The following YAF2 variants were observed in gnomAD, a reference collection of about 807,000 sequenced individuals.
YAF2 encodes YY1 associated factor 2.
YAF2 carries 7 observed loss-of-function variants against 20.1 expected under a neutral mutation model. That is an observed-to-expected ratio of 0.35 (90% CI 0.20 to 0.65). The LOEUF is 0.65. Ranked by LOEUF, YAF2 falls within the 30% of genes least tolerant of loss-of-function variation. The pLI, the probability that YAF2 is intolerant of heterozygous loss-of-function variation, is 0.69. For missense variants in YAF2, 151 were observed against 219.2 expected, an observed-to-expected ratio of 0.69 and a Z score of 1.96; for synonymous variants, 74 against 76.0, an observed-to-expected ratio of 0.97 and a Z score of 0.14.
At chr12:42,202,106 C>CG (rs1210279702) in intron 2 of YAF2, among the ~76,000 whole-genome samples, 1 of 151,512 alleles carries the variant, frequency 6.6e-6, no homozygotes, top group East Asian at 1.9e-4. Flanking sequence ...ATCTAGTTTC[C>CG]CCCCCCATCT....
intron 2 of YAF2, among the ~76,000 whole-genome samples, chr12:42,173,706 T>G (rs889695684): frequency 1.3e-5 from 2 of 152,216 alleles, no homozygotes; most frequent in Non-Finnish European, 2.9e-5. Context: ...TTACTCTTGC[T>G]TCCATTAATT....
chr12:42,186,783 T>C (rs2066486715), intron 2 of YAF2, among the ~76,000 whole-genome samples: 1 of 152,228 alleles, frequency 6.6e-6, no homozygotes, highest in South Asian at 2.1e-4. Context: ...ATTTGGAATA[T>C]TCAAACTGTT....
intron 2 of YAF2, among the ~76,000 whole-genome samples, chr12:42,236,842 C>G (rs181665263): frequency 1.3e-5 from 2 of 152,132 alleles, no homozygotes; most frequent in Admixed American, 6.5e-5. Context: ...ATTAAGAATG[C>G]CACTGACTGA....
chr12:42,222,896 T>A (rs942554204), intron 2 of YAF2, among the ~76,000 whole-genome samples: 35 of 152,250 alleles, frequency 2.3e-4, no homozygotes, highest in African/African-American at 8.2e-4. Flanking sequence ...CCATTACTGT[T>A]AAGGAATAAA....
intron 2 of YAF2, chr12:42,199,398 G>C (rs2066840564): frequency 3.8e-6 from 1 of 266,032 alleles, no homozygotes; most frequent in Non-Finnish European, 7.2e-6. Flanking sequence ...TGTTCACTAT[G>C]ATTTATTCAA....
chr12:42,195,506 T>C (rs1372914756), intron 2 of YAF2, among the ~76,000 whole-genome samples: 5 of 152,198 alleles, frequency 3.3e-5, no homozygotes, highest in Non-Finnish European at 7.3e-5. Context: ...GACAGTCCCC[T>C]AGTACAAGCT....
At chr12:42,180,529 C>A (rs2066316794) in intron 2 of YAF2, among the ~76,000 whole-genome samples, 1 of 152,244 alleles carries the variant, frequency 6.6e-6, no homozygotes, top group East Asian at 1.9e-4. Flanking sequence ...GAGGACCCAG[C>A]TGAGCTGTAC....
chr12:42,162,304 T>C (rs2065816934), intron 2 of YAF2, among the ~76,000 whole-genome samples: 1 of 152,242 alleles, frequency 6.6e-6, no homozygotes, highest in South Asian at 2.1e-4. Flanking sequence ...CCATGCTCTT[T>C]TGACCCTGGA....
intron 2 of YAF2, among the ~76,000 whole-genome samples, chr12:42,193,745 C>T (rs1296994333): frequency 2.0e-5 from 3 of 152,170 alleles, no homozygotes; most frequent in Non-Finnish European, 4.4e-5. Flanking sequence ...CTCAAGTGAT[C>T]TGCCTGCATC....
chr12:42,196,020 G>T (rs370745201), intron 2 of YAF2, among the ~76,000 whole-genome samples: 5 of 151,710 alleles, frequency 3.3e-5, no homozygotes, highest in East Asian at 1.9e-4. Flanking sequence ...TCAGGAGTTG[G>T]AGACCAGCCT....
At chr12:42,183,207 T>G (rs1397758123) in intron 2 of YAF2, among the ~76,000 whole-genome samples, 1 of 152,160 alleles carries the variant, frequency 6.6e-6, no homozygotes, top group Non-Finnish European at 1.5e-5. Context: ...TCTCTCCTTC[T>G]CCTTGAGCCT....
intron 2 of YAF2, among the ~76,000 whole-genome samples, chr12:42,165,694 A>C (rs2136966520): frequency 6.8e-6 from 1 of 146,060 alleles, no homozygotes; most frequent in Non-Finnish European, 1.5e-5. Context: ...GATGGTCTCG[A>C]TCTCCTGACC....
chr12:42,182,617 T>C (rs2066372104), intron 2 of YAF2, among the ~76,000 whole-genome samples: 1 of 152,232 alleles, frequency 6.6e-6, no homozygotes, highest in Non-Finnish European at 1.5e-5. Context: ...TTCATGTTGC[T>C]TTAAACCTCA....
At chr12:42,202,382 C>T (rs937531275) in intron 2 of YAF2, among the ~76,000 whole-genome samples, 2 of 152,180 alleles carry the variant, frequency 1.3e-5, no homozygotes, top group Non-Finnish European at 2.9e-5. Flanking sequence ...TATTAACATT[C>T]CTCATGCTCC....
Position 42,224,542 on chromosome 12 carries a change from G to A in YAF2, c.152+13057C>T, listed in dbSNP as rs1265387741. 2.0e-5 allele frequency among the ~76,000 whole-genome samples: 3 copies of A among 148,654 alleles called. No homozygotes were observed. The East Asian group carries it at 5.9e-4, about 29-fold the overall frequency. On this transcript the variant is annotated intron_variant, in intron 2 of 3. Transcript: ENST00000534854. ...TCCCTCCTCTAGCCCCCCACCCCGC[G>A]ACAGGCCCCCGTGTGTGATGTTCCC...
At chr12:42,209,593 C>G (rs929914051) in intron 2 of YAF2, among the ~76,000 whole-genome samples, 4 of 140,314 alleles carry the variant, frequency 2.9e-5, no homozygotes, top group South Asian at 2.3e-4. Context: ...AAAAAAAGTG[C>G]TAGACAATTA....
At position 42,237,612 on chromosome 12, in the gene YAF2, C is replaced by T; in HGVS notation, c.139G>A (p.Gly47Ser). The T allele has an allele frequency of 6.5e-7, 1 of 1,541,186 alleles. No individual in the cohort carries two copies. The highest frequency in any genetic ancestry group is 8.7e-7 in the Non-Finnish European group (1 of 1,143,592). Residue 47 changes from glycine to serine, a missense_variant, in exon 2 of 4, where the codon GGC (glycine) becomes AGC (serine). Physicochemically the swap from Gly to Ser is moderately conservative, Grantham distance 56 (BLOSUM62 0). Around this residue, in one of 3 missense-constraint regions of YAF2, gnomAD observed 50 missense variants for 112.0 expected, o/e 0.45. Coordinates refer to ENST00000534854, the MANE Select transcript of YAF2 (RefSeq NM_005748.6). The stretch of plus-strand genomic sequence containing the variant: ...CCCGGGACTCACCGGGTGGAGGTGC[C>T]CTTCCGCACATCGCACATCATGCAC... The part of the protein sequence containing the change: ...FKCMMCDVRK[G>S]TSTRKPRPVS...
chr12:42,201,991 C>G (rs2066911034), intron 2 of YAF2, among the ~76,000 whole-genome samples: 1 of 152,170 alleles, frequency 6.6e-6, no homozygotes, highest in Non-Finnish European at 1.5e-5. Flanking sequence ...TCTTCCATAT[C>G]CTAAAGTTGC....
chr12:42,170,794 C>T (rs1282136127), intron 2 of YAF2, among the ~76,000 whole-genome samples: 1 of 152,054 alleles, frequency 6.6e-6, no homozygotes, highest in Non-Finnish European at 1.5e-5. Context: ...TGCAGTGAGC[C>T]GTGATTGTGC....
Sources: allele counts gnomAD v4.1 joint callset (sites outside exome capture counted in the v4.1 genomes callset), GRCh38; gene constraint gnomAD v4.1.1; regional missense constraint gnomAD v4.1.1; transcripts MANE v1.5; gene names NCBI Gene and HGNC (gene_info 2026-07-23, HGNC 2026-07-21).